The following SUGCT variants were observed in gnomAD, a reference collection of about 807,000 sequenced individuals.
SUGCT encodes succinyl-CoA:glutarate-CoA transferase.
A neutral mutation model predicts 55.0 loss-of-function variants in SUGCT; 41 were observed. That is an observed-to-expected ratio of 0.74 (90% CI 0.58 to 0.97). SUGCT has a LOEUF of 0.97. SUGCT is among the 50% of genes least tolerant of loss of function. The probability of loss-of-function intolerance (pLI) is 0.00; values close to 1 mark genes in which losing one functional copy is unlikely to be tolerated. For synonymous variants in SUGCT, 187 were observed against 200.4 expected (o/e 0.93, Z 0.56); for missense variants, 568 against 547.8 (o/e 1.04, Z -0.37).
At chr7:40,150,135 A>G (rs1261330498) in intron 1 of SUGCT, among the ~76,000 whole-genome samples, 2 of 152,202 alleles carry the variant, frequency 1.3e-5, no homozygotes, top group Non-Finnish European at 2.9e-5. Flanking sequence ...CGGAGGCTAC[A>G]AGATTCTGAC....
At chr7:41,001,332 T>C in the SUGCT span, among the ~76,000 whole-genome samples, 3 of 151,750 alleles carry the variant, frequency 2.0e-5, no homozygotes, top group Non-Finnish European at 2.9e-5. Context: ...AGATATAAAG[T>C]GAAGAGAGAG....
intron 12 of SUGCT, among the ~76,000 whole-genome samples, chr7:40,653,687 C>A (rs1343778333): frequency 6.6e-6 from 1 of 152,182 alleles, no homozygotes; most frequent in Non-Finnish European, 1.5e-5. Context: ...CTAATCCTCA[C>A]CCAGATAGGC....
chr7:40,815,306 A>C (rs564240748), intron 13 of SUGCT, among the ~76,000 whole-genome samples: 3 of 152,236 alleles, frequency 2.0e-5, no homozygotes, highest in Non-Finnish European at 4.4e-5. Context: ...AGGTGTGCCT[A>C]GGCATGGTGC....
intron 12 of SUGCT, among the ~76,000 whole-genome samples, chr7:40,608,397 C>T (rs1798620329): frequency 6.6e-6 from 1 of 152,044 alleles, no homozygotes; most frequent in Non-Finnish European, 1.5e-5. Flanking sequence ...TTTGGTTGTC[C>T]AAACATACTC....
chr7:40,771,107 A>T (rs943857895), intron 13 of SUGCT, among the ~76,000 whole-genome samples: 19 of 152,216 alleles, frequency 1.2e-4, no homozygotes, highest in African/African-American at 4.6e-4. Flanking sequence ...AGAAATTCCC[A>T]GGAAGTTAAG....
At chr7:40,330,085 C>T (rs1391832889) in intron 9 of SUGCT, among the ~76,000 whole-genome samples, 1 of 152,154 alleles carries the variant, frequency 6.6e-6, no homozygotes, top group African/African-American at 2.4e-5. Context: ...CTTCTGAGCA[C>T]AGCAACACAG....
rs947701383 is a variant in SUGCT, at chr7:40,795,570, C to T, written c.1153+46073C>T. On this transcript the variant is annotated intron_variant, in intron 13 of 13. Transcript: ENST00000335693. The stretch of plus-strand genomic sequence containing the variant: ...GGGGTTCCATATCTTGAACTGAAGT[C>T]AAAAATTGATGCTTTTGTGGGGCTT... Among the ~76,000 whole-genome samples, 3 of 151,958 alleles carry T rather than the reference C, an allele frequency of 2.0e-5. No homozygotes were observed. In the East Asian group the frequency reaches 5.8e-4, roughly 29 times the overall value.
At chr7:40,575,452 T>C (rs1159374282) in intron 12 of SUGCT, among the ~76,000 whole-genome samples, 1 of 152,180 alleles carries the variant, frequency 6.6e-6, no homozygotes, top group East Asian at 1.9e-4. Flanking sequence ...ATGGAAGAAG[T>C]TGATGCCTAG....
At chr7:40,977,345 G>T in the SUGCT span, among the ~76,000 whole-genome samples, 17 of 152,206 alleles carry the variant, frequency 1.1e-4, no homozygotes, top group African/African-American at 4.1e-4. Context: ...ACAGGACAGA[G>T]CTCCTACTAC....
At chr7:40,480,819 C>T (rs1790991951) in intron 11 of SUGCT, among the ~76,000 whole-genome samples, 1 of 151,994 alleles carries the variant, frequency 6.6e-6, no homozygotes, top group Non-Finnish European at 1.5e-5. Context: ...CTTCAGACCA[C>T]AAAAGTGCCC....
chr7:40,249,849 C>T (rs779748847), intron 7 of SUGCT, among the ~76,000 whole-genome samples: 2 of 152,080 alleles, frequency 1.3e-5, no homozygotes, highest in African/African-American at 4.8e-5. Flanking sequence ...TGCAGTGGCG[C>T]GATCTCGGCT....
At chr7:40,906,233 G>A in the SUGCT span, among the ~76,000 whole-genome samples, 19 of 151,846 alleles carry the variant, frequency 1.3e-4, no homozygotes, top group African/African-American at 4.6e-4. Flanking sequence ...ATGAACCAAT[G>A]CTATCCCTCA....
At chr7:40,443,297 C>T (rs1278866622) in intron 9 of SUGCT, among the ~76,000 whole-genome samples, 1 of 152,188 alleles carries the variant, frequency 6.6e-6, no homozygotes, top group African/African-American at 2.4e-5. Context: ...GGAATCACCA[C>T]CCTGTCTTCC....
intron 13 of SUGCT, among the ~76,000 whole-genome samples, chr7:40,836,588 T>G (rs1792991397): frequency 6.6e-6 from 1 of 152,202 alleles, no homozygotes; most frequent in South Asian, 2.1e-4. Flanking sequence ...ATTCTGCCCT[T>G]TTAGAGGGAC....
intron 11 of SUGCT, among the ~76,000 whole-genome samples, chr7:40,491,828 A>G (rs1377586871): frequency 6.6e-6 from 1 of 152,082 alleles, no homozygotes; most frequent in African/African-American, 2.4e-5. Flanking sequence ...TGTCTCTACT[A>G]AAAATACAAA....
chr7:40,422,540 T>A (rs905661649), intron 9 of SUGCT, among the ~76,000 whole-genome samples: 1 of 152,156 alleles, frequency 6.6e-6, no homozygotes, highest in Non-Finnish European at 1.5e-5. Context: ...TTACTTAGAA[T>A]GCATTCTTTT....
chr7:40,658,230 T>G (rs1201782532), intron 12 of SUGCT, among the ~76,000 whole-genome samples: 5 of 152,200 alleles, frequency 3.3e-5, no homozygotes, highest in Admixed American at 6.5e-5. Flanking sequence ...GAATATATGA[T>G]GTATAACCTC....
chr7:40,920,958 T>G, the SUGCT span, among the ~76,000 whole-genome samples: 1 of 152,218 alleles, frequency 6.6e-6, no homozygotes, highest in South Asian at 2.1e-4. Flanking sequence ...CTGTGATTAG[T>G]ATTCCTGTGC....
At chr7:40,604,557 G>A (rs934449093) in intron 12 of SUGCT, among the ~76,000 whole-genome samples, 1 of 152,048 alleles carries the variant, frequency 6.6e-6, no homozygotes, top group Non-Finnish European at 1.5e-5. Context: ...TTACACTTCC[G>A]ATGCCTAAGA....
Sources: allele counts gnomAD v4.1 joint callset (sites outside exome capture counted in the v4.1 genomes callset), GRCh38; gene constraint gnomAD v4.1.1; transcripts MANE v1.5; gene names NCBI Gene and HGNC (gene_info 2026-07-23, HGNC 2026-07-21).